FAM170A: variants seen among roughly 807,000 people sequenced by gnomAD.
The protein encoded by FAM170A is protein FAM170A.
A neutral mutation model predicts 36.6 loss-of-function variants in FAM170A; 28 were observed. The observed-to-expected ratio is 0.76, with a 90% CI of 0.57 to 1.05. FAM170A has a LOEUF of 1.05. Among genes scored for constraint, FAM170A ranks in the 50% least tolerant of loss-of-function variants. FAM170A has a pLI of 0.00. For synonymous variants in FAM170A, 156 were observed against 143.9 expected, an observed-to-expected ratio of 1.08 and a Z score of -0.60; for missense variants, 434 against 396.5, an observed-to-expected ratio of 1.09 and a Z score of -0.80.
intron 3 of FAM170A, 131 bp from the exon 4 acceptor site, chr5:119,634,897 T>C: frequency 2.3e-6 from 3 of 1,294,844 alleles, no homozygotes; most frequent in Non-Finnish European, 3.3e-6. Context: ...GCTTCTTGCC[T>C]AGGCATCTAA....
At chr5:119,632,404 G>A (rs886722192) in intron 1 of FAM170A, among the ~76,000 whole-genome samples, 1 of 152,196 alleles carries the variant, frequency 6.6e-6, no homozygotes, top group Non-Finnish European at 1.5e-5. Flanking sequence ...TTTCAGGGTT[G>A]TAAACACAAA....
At chr5:119,634,051 T>C (rs754393466) in exon 3 of FAM170A, 3 of 1,614,042 alleles carry the variant, frequency 1.9e-6, no homozygotes, top group African/African-American at 2.7e-5. Context: ...GCTCACAACA[T>C]GTCTCCTTGT....
exon 3 of FAM170A, chr5:119,634,490 C>A: frequency 1.9e-6 from 3 of 1,614,138 alleles, no homozygotes; most frequent in Non-Finnish European, 2.5e-6. Context: ...GGAGCATGTG[C>A]AGTTTGGGAT....
chr5:119,629,916 G>C, intron 1 of FAM170A, 78 bp downstream of exon 1: 1 of 1,148,026 alleles, frequency 8.7e-7, no homozygotes, highest in Non-Finnish European at 1.3e-6. Flanking sequence ...TTTTGAGACG[G>C]AGTCTCGCTC....
At chr5:119,632,073 T>A (rs1381754937) in intron 1 of FAM170A, among the ~76,000 whole-genome samples, 1 of 152,152 alleles carries the variant, frequency 6.6e-6, no homozygotes, top group East Asian at 2.0e-4. Context: ...GCTAAAAAAA[T>A]TATTTGTAAT....
chr5:119,635,050 A>G, exon 4 of FAM170A: 2 of 1,613,984 alleles, frequency 1.2e-6, no homozygotes, highest in Non-Finnish European at 8.5e-7. Flanking sequence ...ATGGGCCAGA[A>G]GATACTGGAA....
chr5:119,633,038 G>A, intron 2 of FAM170A, 150 bp downstream of exon 2: 1 of 794,304 alleles, frequency 1.3e-6, no homozygotes, highest in Non-Finnish European at 1.9e-6. Context: ...GGGCTTTTTG[G>A]GTTTGGGGCT....
exon 2 of FAM170A, chr5:119,632,883 A>G (rs1372490173): frequency 1.2e-6 from 2 of 1,605,010 alleles, no homozygotes; most frequent in Non-Finnish European, 8.5e-7. Context: ...AAGCTCATCC[A>G]CAGTGGTAAG....
chr5:119,633,838 C>G (rs1265117368), intron 2 of FAM170A, 122 bp from the exon 3 acceptor site: 4 of 1,267,516 alleles, frequency 3.2e-6, no homozygotes, highest in African/African-American at 1.5e-5. Flanking sequence ...AAATACCAAG[C>G]TCACTACACA....
exon 3 of FAM170A, chr5:119,633,985 C>A (rs1221291699): frequency 6.2e-7 from 1 of 1,613,118 alleles, no homozygotes; most frequent in South Asian, 1.1e-5. Flanking sequence ...ATCGAGACAG[C>A]CCCCAGCCTC....
At chr5:119,633,141 C>A (rs116537872) in intron 2 of FAM170A, among the ~76,000 whole-genome samples, 13 of 151,924 alleles carry the variant, frequency 8.6e-5, no homozygotes, top group Non-Finnish European at 1.6e-4. Context: ...GGATGCAGGG[C>A]GCTATGGGTA....
At chr5:119,632,703 C>G (rs1351018978) in intron 1 of FAM170A, 45 bp from the exon 2 acceptor site, 9 of 1,483,878 alleles carry the variant, frequency 6.1e-6, no homozygotes, top group African/African-American at 1.4e-5. Flanking sequence ...GATGCACAAA[C>G]ATTACCCATC....
Position 119,629,652 on chromosome 5 carries a change from C to T in FAM170A, c.-117C>T, listed in dbSNP as rs565532336. The T allele has an allele frequency of 1.0e-5, 8 of 770,640 alleles. 1 individual carries two copies. In the Middle Eastern group the frequency reaches 1.0e-3, roughly 99 times the overall value. 47.7% of individuals were successfully genotyped at this position (770,640 alleles called of 1,614,324 possible). On this transcript the variant is annotated 5_prime_UTR_variant, in exon 1 of 5. In the 5' UTR this introduces an upstream ATG that the reference lacks. Transcript: ENST00000613773. Reference sequence around the variant, plus strand: ...TTTAGCTATCTCGGAGATTCAACTACGTTTACTCGTACTGAATCTTTTTAA... The same window carrying T: ...TTTAGCTATCTCGGAGATTCAACTATGTTTACTCGTACTGAATCTTTTTAA...
rs116710700 is a variant in FAM170A at position 119,633,353 on chromosome 5, C to T, written c.211+465C>T. ...TGGATATAAGCTCAGTGTAGGAGAG[C>T]ATGAGCCCTGGTGTGCAGTCAGGCA... On this transcript the variant is annotated intron_variant, in intron 2 of 4. Coordinates refer to ENST00000613773, the Ensembl canonical transcript of FAM170A. 4.1e-3 allele frequency among the ~76,000 whole-genome samples: 621 copies of T among 152,194 alleles called. 6 individuals are homozygous for T. The highest frequency in any genetic ancestry group is 7.3e-3 in the Non-Finnish European group (498 of 67,986).
chr5:119,633,584 T>C lies in FAM170A; in HGVS notation c.212-376T>C, dbSNP rs558374665. Among the ~76,000 whole-genome samples the C allele has an allele frequency of 2.0e-5, 3 of 152,112 alleles. No individual in the cohort carries two copies. The East Asian group carries it at 5.8e-4, about 29-fold the overall frequency. On this transcript the variant is annotated intron_variant, in intron 2 of 4. Transcript: ENST00000613773. ...ACAGCCACACGCTCCACAGGTACACTTTCTGCACACACACCACCCAAATGC... is the reference window on the plus strand; with the variant it reads ...ACAGCCACACGCTCCACAGGTACACCTTCTGCACACACACCACCCAAATGC...
rs140695535 is a variant in FAM170A, at chr5:119,634,720, T to C, written c.972T>C (p.Ser324=). The change falls in exon 3 of 5, where the codon TCT becomes TCC. Residue 324 remains serine (S), a synonymous_variant. Transcript: ENST00000613773. ...AATGTCCAGGCTGTGTGTTTCATTC[T>C]CCAAAGGACAGGAAGTGAGCAAAGC... 164 of 1,541,716 alleles carry C rather than the reference T, an allele frequency of 1.1e-4. 2 individuals carry two copies. In the Admixed American group the frequency reaches 3.3e-3, roughly 31 times the overall value.
rs759641749 is a variant in FAM170A at position 119,633,955 on chromosome 5, C to T, written c.212-5C>T. On this transcript the variant is annotated splice_polypyrimidine_tract_variant and splice_region_variant and intron_variant, in intron 2 of 4. Coordinates refer to ENST00000613773, the Ensembl canonical transcript of FAM170A. ...TCTGCTCATGTTTCTAATTTCCTTT[C>T]CCAGGAATCCAGAGAATACATCGAG... The T allele has an allele frequency of 1.2e-6, 2 of 1,602,036 alleles. No homozygotes were observed. Among genetic ancestry groups the T allele is most frequent in the Middle Eastern group, 1.7e-4 (1 of 5,994 alleles).
exon 3 of FAM170A, chr5:119,634,260 C>T: frequency 6.2e-7 from 1 of 1,614,178 alleles, no homozygotes; most frequent in East Asian, 2.2e-5. Flanking sequence ...AGGGTAGGTA[C>T]TCCCCCCTCT....
chr5:119,634,324 A>G, exon 3 of FAM170A: 1 of 1,614,162 alleles, frequency 6.2e-7, no homozygotes. Flanking sequence ...GGGAGGAGAA[A>G]GAGCATGAGG....
Sources: allele counts gnomAD v4.1 joint callset (sites outside exome capture counted in the v4.1 genomes callset), GRCh38; gene constraint gnomAD v4.1.1; transcripts MANE v1.5; gene names NCBI Gene and HGNC (gene_info 2026-07-23, HGNC 2026-07-21).